Variants in PSME4 observed in about 807,000 individuals in gnomAD.
PSME4 encodes the protein proteasome activator complex subunit 4.
In PSME4, 89 loss-of-function variants were observed where a neutral mutation model predicts 253.9. The observed-to-expected ratio is 0.35, with a 90% CI of 0.30 to 0.42. The LOEUF is 0.42. Among genes scored for constraint, PSME4 ranks in the 10% least tolerant of loss-of-function variants. The pLI, the probability that PSME4 is intolerant of heterozygous loss-of-function variation, is 1.00. For missense variants in PSME4, 2,014 were observed against 2,195.2 expected, an observed-to-expected ratio of 0.92 and a Z score of 1.65; for synonymous variants, 851 against 759.2, an observed-to-expected ratio of 1.12 and a Z score of -1.99.
intron 29 of PSME4, among the ~76,000 whole-genome samples, chr2:53,898,903 T>C (rs1442621039): frequency 1.3e-5 from 2 of 152,116 alleles, no homozygotes; most frequent in African/African-American, 4.8e-5. Context: ...CAATAAGTTA[T>C]TACTATTATA....
chr2:53,917,970 C>A (rs1383219394), intron 20 of PSME4, among the ~76,000 whole-genome samples: 1 of 152,126 alleles, frequency 6.6e-6, no homozygotes, highest in Admixed American at 6.6e-5. Flanking sequence ...CCTGAAATGA[C>A]CCTAACTTCT....
chr2:53,950,853 A>AG (rs1424856588), intron 1 of PSME4, among the ~76,000 whole-genome samples: 2 of 151,614 alleles, frequency 1.3e-5, no homozygotes, highest in Non-Finnish European at 2.9e-5. Flanking sequence ...AAAAAAAAAA[A>AG]AAAAGAAAAG....
rs757980504 is a variant in PSME4 at position 53,920,375 on chromosome 2, G to A, written c.2263-25C>T. 7 of 1,547,742 alleles carry A rather than the reference G, an allele frequency of 4.5e-6. No individual in the cohort carries two copies. In the Admixed American group the frequency reaches 1.4e-4, roughly 32 times the overall value. Reference sequence around the variant, plus strand: ...CCTAGAAGAGAACAGCATCTACTCAGCAAGTTGAGAAATTAAAAACAACAA... The same window carrying A: ...CCTAGAAGAGAACAGCATCTACTCAACAAGTTGAGAAATTAAAAACAACAA... On this transcript the variant is annotated intron_variant, in intron 18 of 46. Coordinates refer to ENST00000404125, the MANE Select transcript of PSME4 (RefSeq NM_014614.3).
At chr2:53,883,814 T>C (rs969961434) in intron 41 of PSME4, among the ~76,000 whole-genome samples, 1 of 152,158 alleles carries the variant, frequency 6.6e-6, no homozygotes, top group Non-Finnish European at 1.5e-5. Flanking sequence ...TTAAGTATCA[T>C]CTCTGTTGAT....
chr2:53,970,892 G>A lies in PSME4; in HGVS notation c.-108C>T. ...TCTTCGTCGCCCTGCGGCCGCTGGC[G>A]GCCCGTCGCCCTCGGACCGATCGCT... On this transcript the variant is annotated 5_prime_UTR_variant, in exon 1 of 47. Coordinates refer to ENST00000404125, the MANE Select transcript of PSME4 (RefSeq NM_014614.3). The A allele has an allele frequency of 7.9e-6, 8 of 1,011,912 alleles. No homozygotes were observed. Among genetic ancestry groups the A allele is most frequent in the Non-Finnish European group, 1.1e-5 (8 of 733,652 alleles). 62.7% of individuals were successfully genotyped at this position (1,011,912 alleles called of 1,614,324 possible). A position where few individuals can be genotyped will look rare whatever the true frequency, so the allele number is the denominator to read the frequency against.
rs1404649217 is a variant in PSME4 at position 53,875,826 on chromosome 2, G to C, written c.4816-71C>G. The C allele has an allele frequency of 5.8e-6, 8 of 1,378,084 alleles. No individual in the cohort carries two copies. The Admixed American group carries it at 9.2e-5, about 16-fold the overall frequency. The allele number at this position is 1,378,084 out of a possible 1,614,324, so 85.4% of individuals were successfully genotyped here. On this transcript the variant is annotated intron_variant, in intron 41 of 46. Coordinates refer to ENST00000404125, the MANE Select transcript of PSME4 (RefSeq NM_014614.3). ...ATAAGTACAAAGGCATCCTACATGA[G>C]AGACAACACATCTTTAATTTAACAA...
chr2:53,901,712 A>G (rs1680408211), intron 27 of PSME4, among the ~76,000 whole-genome samples, 153 bp from the exon 28 acceptor site: 1 of 152,360 alleles, frequency 6.6e-6, no homozygotes, highest in South Asian at 2.1e-4. Flanking sequence ...TTAACATGTT[A>G]CTTTTTAGAA....
At chr2:53,918,076 C>CAAAGTATGGGA (rs1668137772) in intron 20 of PSME4, among the ~76,000 whole-genome samples, 1 of 152,100 alleles carries the variant, frequency 6.6e-6, no homozygotes, top group Non-Finnish European at 1.5e-5. Context: ...AATGACTACA[C>CAAAGTATGGGA]AAAGTATGGG....
intron 12 of PSME4, among the ~76,000 whole-genome samples, chr2:53,926,528 A>G (rs1483051434): frequency 1.3e-5 from 2 of 152,048 alleles, no homozygotes; most frequent in Non-Finnish European, 2.9e-5. Flanking sequence ...ACACATATAC[A>G]CAATTAGCCA....
chr2:53,918,207 T>C (rs955202639), intron 20 of PSME4, among the ~76,000 whole-genome samples: 3 of 152,298 alleles, frequency 2.0e-5, no homozygotes, highest in Non-Finnish European at 2.9e-5. Context: ...ACTTACTCAT[T>C]TGAATGTGAT....
chr2:53,967,681 T>TAAAAAAAAAAAAA (rs1670810438), intron 1 of PSME4, among the ~76,000 whole-genome samples: 2 of 39,918 alleles, frequency 5.0e-5, no homozygotes, highest in African/African-American at 9.5e-5. Flanking sequence ...AAAAAAAAAG[T>TAAAAAAAAAAAAA]CAAAAAGAGG....
chr2:53,926,375 G>A (rs1015382286), intron 12 of PSME4, among the ~76,000 whole-genome samples: 36 of 151,250 alleles, frequency 2.4e-4, no homozygotes, highest in African/African-American at 6.9e-4. Flanking sequence ...ACATGCTCGC[G>A]ACTGGGCACG....
At chr2:53,920,580 C>A (rs1359341694) in intron 18 of PSME4, among the ~76,000 whole-genome samples, 1 of 152,154 alleles carries the variant, frequency 6.6e-6, no homozygotes, top group Non-Finnish European at 1.5e-5. Context: ...TATGAGTTTG[C>A]TCTAAGAGTG....
At chr2:53,931,465 T>C (rs1415127560) in intron 10 of PSME4, among the ~76,000 whole-genome samples, 1 of 152,328 alleles carries the variant, frequency 6.6e-6, no homozygotes, top group East Asian at 1.9e-4. Flanking sequence ...TTTTCTTCTC[T>C]ACCACTGATT....
rs762341277 is a variant in PSME4 at position 53,920,256 on chromosome 2, G to A, written c.2357C>T (p.Ser786Phe). 2 of 1,613,652 alleles carry A rather than the reference G, an allele frequency of 1.2e-6. No individual in the cohort carries two copies. Among genetic ancestry groups the A allele is most frequent in the South Asian group, 1.1e-5 (1 of 91,036 alleles). Residue 786 changes from serine (S) to phenylalanine (F), a missense_variant, in exon 19 of 47, where the codon TCC becomes TTC. Ser to Phe is a radical substitution (Grantham distance 155, BLOSUM62 -2). Around this residue, in one of 4 missense-constraint regions of PSME4, gnomAD observed 989 missense variants for 1,021.1 expected, o/e 0.97. Coordinates refer to ENST00000404125, the MANE Select transcript of PSME4 (RefSeq NM_014614.3). ...TTTGACGAGCTCAGGCTGAAGAAAG[G>A]AGTCCAAAAGATAAAAGGCAAAAGA... ...EVSFAFYLLD[S>F]FLQPELVKLQ...
At chr2:53,932,645 T>TA (rs1263271430) in intron 9 of PSME4, 23 bp downstream of exon 9, 1 of 1,567,718 alleles carries the variant, frequency 6.4e-7, no homozygotes, top group Non-Finnish European at 8.8e-7. Flanking sequence ...CCAAGCCCTA[T>TA]AATGCAAAAC....
chr2:53,888,273 CATTA>C (rs879760208), intron 38 of PSME4: 86 of 264,810 alleles, frequency 3.2e-4, no homozygotes, highest in Admixed American at 9.6e-4. Context: ...CAAGTTTTCT[CATTA>C]ATTAAGTGCT....
At chr2:53,893,883 T>C (rs1397665703) in intron 34 of PSME4, 84 bp from the exon 35 acceptor site, 5 of 1,452,258 alleles carry the variant, frequency 3.4e-6, no homozygotes, top group East Asian at 5.0e-5. Context: ...TTACAAGATT[T>C]TGATAGTCAA....
chr2:53,935,629 T>A (rs924228553), intron 7 of PSME4, among the ~76,000 whole-genome samples: 4 of 152,190 alleles, frequency 2.6e-5, no homozygotes, highest in Non-Finnish European at 5.9e-5. Flanking sequence ...TACAAATGTA[T>A]GATGCTCTCG....
Sources: allele counts gnomAD v4.1 joint callset (sites outside exome capture counted in the v4.1 genomes callset), GRCh38; gene constraint gnomAD v4.1.1; regional missense constraint gnomAD v4.1.1; transcripts MANE v1.5; gene names NCBI Gene and HGNC (gene_info 2026-07-23, HGNC 2026-07-21).